Variants in PDE10A observed in about 807,000 individuals in gnomAD.
The protein encoded by PDE10A is cAMP and cAMP-inhibited cGMP 3',5'-cyclic phosphodiesterase 10A.
In PDE10A, 39 loss-of-function variants were observed where a neutral mutation model predicts 97.7. That is an observed-to-expected ratio of 0.40 (90% CI 0.31 to 0.52). PDE10A has a LOEUF of 0.52. Among genes scored for constraint, PDE10A ranks in the 20% least tolerant of loss-of-function variants. The pLI is 0.56. For synonymous variants in PDE10A, 371 were observed against 376.8 expected, an observed-to-expected ratio of 0.98 and a Z score of 0.18; for missense variants, 731 against 1,047.8, an observed-to-expected ratio of 0.70 and a Z score of 4.17.
intron 1 of PDE10A, among the ~76,000 whole-genome samples, chr6:165,579,458 A>C (rs941787841): frequency 1.3e-5 from 2 of 152,024 alleles, no homozygotes; most frequent in Non-Finnish European, 2.9e-5. Flanking sequence ...GTCCTCCCTG[A>C]CTCTTCATTG....
intron 1 of PDE10A, among the ~76,000 whole-genome samples, chr6:165,818,091 A>C (rs932308052): frequency 1.3e-5 from 2 of 152,136 alleles, no homozygotes; most frequent in Non-Finnish European, 2.9e-5. Context: ...CTCAATTGTG[A>C]TGAGGCTGCC....
intron 13 of PDE10A, among the ~76,000 whole-genome samples, chr6:165,399,795 T>C (rs1028084443): frequency 2.6e-5 from 4 of 152,236 alleles, no homozygotes; most frequent in Admixed American, 2.0e-4. Flanking sequence ...ATGGTGTATA[T>C]GTGCCACATT....
At chr6:165,393,600 C>T (rs192899417) in intron 15 of PDE10A, among the ~76,000 whole-genome samples, 76 of 152,100 alleles carry the variant, frequency 5.0e-4, no homozygotes, top group African/African-American at 1.8e-3. Context: ...TAAGGTATGG[C>T]ATTTTAAGAA....
At chr6:165,577,184 G>C (rs904484374) in intron 1 of PDE10A, among the ~76,000 whole-genome samples, 2 of 152,162 alleles carry the variant, frequency 1.3e-5, no homozygotes, top group Admixed American at 1.3e-4. Context: ...TCTGAAGCAG[G>C]TTTCTCTTAC....
intron 1 of PDE10A, among the ~76,000 whole-genome samples, chr6:165,789,013 C>T (rs1212323436): frequency 6.6e-6 from 1 of 152,078 alleles, no homozygotes; most frequent in Non-Finnish European, 1.5e-5. Context: ...CACAAGGCTG[C>T]TCTTCTGGCT....
chr6:165,729,292 G>A (rs1418352683), intron 1 of PDE10A, among the ~76,000 whole-genome samples: 2 of 151,900 alleles, frequency 1.3e-5, no homozygotes, highest in Non-Finnish European at 2.9e-5. Flanking sequence ...CCCAAAATAT[G>A]GTAGAGATTT....
chr6:165,752,129 CAAAAAAA>C lies in PDE10A; in HGVS notation c.-614-208568_-614-208562del, dbSNP rs58229023. On this transcript the variant is annotated intron_variant, in intron 1 of 19. Transcript: ENST00000366882. ...CTGCACTCCAGCCTGGGCAACAGAG[CAAAAAAA>C]AAAAAAAAAAAAAAAAAAGTGGGTA... 3.6e-4 allele frequency among the ~76,000 whole-genome samples: 24 copies of C among 66,356 alleles called. 1 individual carries two copies. Among genetic ancestry groups the C allele is most frequent in the South Asian group, 1.6e-3 (3 of 1,820 alleles). 43.5% of individuals were successfully genotyped at this position (66,356 alleles called of 152,430 possible). A position where few individuals can be genotyped will look rare whatever the true frequency, so the allele number is the denominator to read the frequency against.
chr6:165,959,053 G>A (rs1784281352), intron 1 of PDE10A, among the ~76,000 whole-genome samples: 1 of 152,216 alleles, frequency 6.6e-6, no homozygotes, highest in African/African-American at 2.4e-5. Flanking sequence ...TGGACCAGCA[G>A]CAAGATTGGG....
intron 5 of PDE10A, among the ~76,000 whole-genome samples, chr6:165,448,014 A>T (rs56105110): frequency 0.026 from 3,989 of 152,330 alleles, 175 homozygotes; most frequent in African/African-American, 0.089. Context: ...GAGTCCTATT[A>T]AAAATCTCAG....
At position 165,637,776 on chromosome 6, in the gene PDE10A, CAA is replaced by C. The variant is rs1788949534; in HGVS notation, c.865+24169_865+24170del. Among the ~76,000 whole-genome samples the C allele has an allele frequency of 3.3e-5, 5 of 152,282 alleles. No homozygotes were observed. In the South Asian group the frequency reaches 1.0e-3, roughly 32 times the overall value. Reference sequence around the variant, plus strand: ...GGGCGCGTCCTCCCAGATTTGTACTCAAGACTTTACGGAGCTATCACGGAATT... The same window carrying C: ...GGGCGCGTCCTCCCAGATTTGTACTCGACTTTACGGAGCTATCACGGAATT... On this transcript the variant is annotated intron_variant, in intron 1 of 21. Coordinates refer to ENST00000539869, the MANE Select transcript of PDE10A (RefSeq NM_001385079.1).
intron 1 of PDE10A, among the ~76,000 whole-genome samples, chr6:165,600,379 TCA>T (rs1342992777): frequency 6.6e-6 from 1 of 152,212 alleles, no homozygotes; most frequent in African/African-American, 2.4e-5. Context: ...GGTTTGAAGC[TCA>T]GAGTTCCAAC....
chr6:165,502,290 T>C (rs1475843979), intron 2 of PDE10A, among the ~76,000 whole-genome samples: 1 of 152,202 alleles, frequency 6.6e-6, no homozygotes, highest in Non-Finnish European at 1.5e-5. Flanking sequence ...TTAAATACTT[T>C]GGCTCTTCAA....
chr6:165,481,306 A>G (rs1779594031), intron 3 of PDE10A, among the ~76,000 whole-genome samples: 1 of 152,146 alleles, frequency 6.6e-6, no homozygotes, highest in African/African-American at 2.4e-5. Context: ...CACAAATGTG[A>G]CATTAATAGC....
chr6:165,431,430 GAT>G lies in PDE10A; in HGVS notation c.1532_1533del (p.His511ProfsTer16), dbSNP rs1473555459. 6.3e-7 allele frequency: 1 copy of G among 1,597,896 alleles called. No individual in the cohort carries two copies. ...ACACCCCAAAGACTCACCTGCACCT[GAT>G]GTATTGCTACTGAAGCCCAGGCAAG... ...ANLAWASVAI[H>X]QVQVCRGLAK... On this transcript the variant is annotated frameshift_variant, in exon 8 of 22. Transcript: ENST00000539869. LOFTEE classifies it high-confidence loss of function.
intron 17 of PDE10A, among the ~76,000 whole-genome samples, chr6:165,381,760 C>G (rs374907344): frequency 6.6e-6 from 1 of 151,262 alleles, no homozygotes; most frequent in Admixed American, 6.6e-5. Context: ...GGATTACAGA[C>G]GTGAGCCACC....
intron 1 of PDE10A, among the ~76,000 whole-genome samples, chr6:165,615,391 C>T (rs529775585): frequency 6.6e-6 from 1 of 152,168 alleles, no homozygotes; most frequent in South Asian, 2.1e-4. Context: ...TATTCAGATA[C>T]TCTCAACAAA....
Position 165,716,612 on chromosome 6 carries a change from G to A in PDE10A, c.-614-173044C>T, listed in dbSNP as rs765659736. Among the ~76,000 whole-genome samples, 14 of 152,314 alleles carry A rather than the reference G, an allele frequency of 9.2e-5. 1 individual carries two copies. The highest frequency in any genetic ancestry group is 1.9e-4 in the Non-Finnish European group (13 of 68,036). On this transcript the variant is annotated intron_variant, in intron 1 of 19. Coordinates refer to the PDE10A transcript ENST00000366882. ...GAGTGATGACAACATTTGGATGAAGGATTAAGGGTGTAAAGCCCTGGAGAA... is the reference window on the plus strand; with the variant it reads ...GAGTGATGACAACATTTGGATGAAGAATTAAGGGTGTAAAGCCCTGGAGAA...
At chr6:165,766,112 C>T (rs1029929791) in intron 1 of PDE10A, among the ~76,000 whole-genome samples, 1 of 152,282 alleles carries the variant, frequency 6.6e-6, no homozygotes, top group Admixed American at 6.5e-5. Flanking sequence ...CCCGCCGTCC[C>T]CTCAGCCCCT....
intron 1 of PDE10A, among the ~76,000 whole-genome samples, chr6:165,673,493 C>A (rs950568342): frequency 6.6e-6 from 1 of 152,242 alleles, no homozygotes; most frequent in Admixed American, 6.5e-5. Flanking sequence ...GCTGCTGACC[C>A]CTGTACCTAG....
Sources: allele counts gnomAD v4.1 joint callset (sites outside exome capture counted in the v4.1 genomes callset), GRCh38; gene constraint gnomAD v4.1.1; transcripts MANE v1.5; gene names NCBI Gene and HGNC (gene_info 2026-07-23, HGNC 2026-07-21).